Variants in PDC observed in about 807,000 individuals in gnomAD.
The protein encoded by PDC is phosducin.
In PDC, 19 loss-of-function variants were observed where a neutral mutation model predicts 22.2. The observed-to-expected ratio is 0.86, with a 90% confidence interval of 0.60 to 1.26. PDC has a LOEUF of 1.26. Ranked by LOEUF, PDC falls within the 50% of genes most tolerant of loss-of-function variation. PDC has a pLI of 0.00. For missense variants in PDC, 274 were observed against 286.8 expected (o/e 0.96, Z 0.32); for synonymous variants, 97 against 96.2 (o/e 1.01, Z -0.05).
At chr1:186,445,547 G>A (rs1399348017) in intron 3 of PDC, among the ~76,000 whole-genome samples, 1 of 152,048 alleles carries the variant, frequency 6.6e-6, no homozygotes, top group African/African-American at 2.4e-5. Flanking sequence ...GGATGGGTAT[G>A]GGAGCTCATG....
intron 1 of PDC, among the ~76,000 whole-genome samples, chr1:186,457,269 AT>A (rs1317476882): frequency 6.6e-6 from 1 of 152,162 alleles, no homozygotes; most frequent in Non-Finnish European, 1.5e-5. Context: ...GTTAAAATAA[AT>A]TATCAGTGGT....
At chr1:186,460,734 C>T (rs74459611) in intron 1 of PDC, among the ~76,000 whole-genome samples, 7,025 of 152,202 alleles carry the variant, frequency 0.046, 537 homozygotes, top group African/African-American at 0.16. Flanking sequence ...ATCATTTATT[C>T]TCTTTAGTTC....
chr1:186,453,920 A>G (rs1172356752), intron 1 of PDC, among the ~76,000 whole-genome samples: 6 of 152,110 alleles, frequency 3.9e-5, no homozygotes, highest in Non-Finnish European at 8.8e-5. Context: ...CAAAATTTCT[A>G]TTTTTTCCAT....
chr1:186,444,445 T>TTAGGATTATTAAC lies in PDC; in HGVS notation c.274_275insGTTAATAATCCTA (p.Lys92SerfsTer2). 1 of 1,612,500 alleles carries TTAGGATTATTAAC rather than the reference T, an allele frequency of 6.2e-7. No individual in the cohort carries two copies. On this transcript the variant is annotated stop_gained and frameshift_variant, in exon 4 of 4. Coordinates refer to ENST00000391997, the MANE Select transcript of PDC (RefSeq NM_002597.5). LOFTEE classifies it high-confidence loss of function. ...ATCCTGCATACACTGTCTACGGTAT[T>TTAGGATTATTAAC]TACGAAGGCAGTTTTCATCCTCTTT...
In PDC at chr1:186,457,892, A is replaced by G. The variant is rs916549830; in HGVS notation, c.-25+3167T>C. 4.5e-4 allele frequency among the ~76,000 whole-genome samples: 69 copies of G among 152,210 alleles called. 1 individual carries two copies. Among genetic ancestry groups the G allele is most frequent in the African/African-American group, 1.6e-3 (67 of 41,458 alleles). On this transcript the variant is annotated intron_variant, in intron 1 of 3. Transcript: ENST00000391997. Reference sequence around the variant, plus strand: ...TGACTTCCCCCCACTCCCAGTATCTAGATAAAGTTCATAAGAACTTTGATA... The same window carrying G: ...TGACTTCCCCCCACTCCCAGTATCTGGATAAAGTTCATAAGAACTTTGATA...
chr1:186,450,096 A>G (rs566611421), intron 1 of PDC, among the ~76,000 whole-genome samples: 12 of 152,226 alleles, frequency 7.9e-5, no homozygotes, highest in African/African-American at 2.4e-4. Context: ...TTGAACCTAC[A>G]TTTTCTGACT....
At chr1:186,449,360 T>C (rs1354869698) in intron 2 of PDC, 39 bp downstream of exon 2, 2 of 1,313,394 alleles carry the variant, frequency 1.5e-6, no homozygotes, top group Non-Finnish European at 2.2e-6. Flanking sequence ...CATATTTAAT[T>C]TTAATTTAAT....
At position 186,444,517 on chromosome 1, in the gene PDC, A is replaced by G; in HGVS notation, c.214-11T>C. Reference sequence around the variant, plus strand: ...TTCTTGAATGCTCATCTGAGAATAAAGAAATGATAGAAATTATTAAGTCAG... The same window carrying G: ...TTCTTGAATGCTCATCTGAGAATAAGGAAATGATAGAAATTATTAAGTCAG... On this transcript the variant is annotated splice_polypyrimidine_tract_variant and intron_variant, in intron 3 of 3. Transcript: ENST00000391997. 1.3e-6 allele frequency: 2 copies of G among 1,506,454 alleles called. No individual in the cohort carries two copies. The highest frequency in any genetic ancestry group is 1.8e-6 in the Non-Finnish European group (2 of 1,093,232). The allele number at this position is 1,506,454 out of a possible 1,614,324, so 93.3% of individuals were successfully genotyped here.
At chr1:186,452,583 C>T (rs544649319) in intron 1 of PDC, among the ~76,000 whole-genome samples, 9 of 152,204 alleles carry the variant, frequency 5.9e-5, no homozygotes, top group East Asian at 1.9e-4. Flanking sequence ...GCTTCAATTT[C>T]GGCACATAAT....
chr1:186,444,583 A>G, intron 3 of PDC, 77 bp from the exon 4 acceptor site: 3 of 932,596 alleles, frequency 3.2e-6, no homozygotes, highest in Non-Finnish European at 4.8e-6. Context: ...TTCTCAACCG[A>G]AGGAGTGTAC....
chr1:186,459,752 G>GTATATA (rs56927589), intron 1 of PDC, among the ~76,000 whole-genome samples: 4,910 of 111,748 alleles, frequency 0.044, 163 homozygotes, highest in African/African-American at 0.063. Flanking sequence ...GTGTGTGTGT[G>GTATATA]TATATATATA....
chr1:186,452,167 C>T (rs1662366785), intron 1 of PDC, among the ~76,000 whole-genome samples: 1 of 152,206 alleles, frequency 6.6e-6, no homozygotes, highest in Non-Finnish European at 1.5e-5. Flanking sequence ...GTCACCAACT[C>T]ACTCTGGGGT....
rs976627456 is a variant in PDC, at chr1:186,454,994, A to T, written c.-24-5511T>A. On this transcript the variant is annotated intron_variant, in intron 1 of 3. Transcript: ENST00000391997. ...TTGAAAACTAACACTTCATTCTCTCAAACTTTCTGCCACTCTTCTATTTGT... is the reference window on the plus strand; with the variant it reads ...TTGAAAACTAACACTTCATTCTCTCTAACTTTCTGCCACTCTTCTATTTGT... Among the ~76,000 whole-genome samples the T allele has an allele frequency of 8.5e-4, 130 of 152,206 alleles. 1 individual carries two copies. Among genetic ancestry groups the T allele is most frequent in the African/African-American group, 3.0e-3 (126 of 41,450 alleles).
rs928004300 is a variant in PDC at position 186,450,389 on chromosome 1, C to T, written c.-24-906G>A. Among the ~76,000 whole-genome samples, 25 of 151,904 alleles carry T rather than the reference C, an allele frequency of 1.6e-4. No individual in the cohort carries two copies. In the East Asian group the frequency reaches 1.7e-3, roughly 11 times the overall value. ...TCTGTCTCCCAGGCTTCATTAAGTG[C>T]GATGGTGCTGTTTTATTTAGCTCAC... On this transcript the variant is annotated intron_variant, in intron 1 of 3. Transcript: ENST00000391997.
Position 186,443,929 on chromosome 1 carries a change from C to T in PDC, c.*50G>A. 1 of 1,387,124 alleles carries T rather than the reference C, an allele frequency of 7.2e-7. No individual in the cohort carries two copies. Among genetic ancestry groups the T allele is most frequent in the Non-Finnish European group, 1.0e-6 (1 of 994,788 alleles). 85.9% of individuals were successfully genotyped at this position (1,387,124 alleles called of 1,614,324 possible). On this transcript the variant is annotated 3_prime_UTR_variant, in exon 4 of 4. Transcript: ENST00000391997. ...AAAGCAATATAGATACTACCAAAAC[C>T]ATCATCCAATACCTAAAGGATAAAC...
chr1:186,446,109 T>C (rs946579317), intron 3 of PDC, among the ~76,000 whole-genome samples: 1 of 152,236 alleles, frequency 6.6e-6, no homozygotes, highest in Admixed American at 6.5e-5. Context: ...ACATTTATTT[T>C]TTCTTTACAT....
chr1:186,459,420 C>CG (rs1036760815), intron 1 of PDC, among the ~76,000 whole-genome samples: 1 of 152,124 alleles, frequency 6.6e-6, no homozygotes, highest in African/African-American at 2.4e-5. Context: ...CTTGGCCTCC[C>CG]GAGGTGCCGG....
chr1:186,459,289 T>C (rs997546051), intron 1 of PDC, among the ~76,000 whole-genome samples: 1 of 150,848 alleles, frequency 6.6e-6, no homozygotes. Flanking sequence ...TAACAAGCTC[T>C]AAGCCTGCCG....
rs1268778325 is a variant in PDC, at chr1:186,456,012, T to G, written c.-25+5047A>C. 4.5e-4 allele frequency among the ~76,000 whole-genome samples: 55 copies of G among 123,474 alleles called. 1 individual carries two copies. Among genetic ancestry groups the G allele is most frequent in the African/African-American group, 1.7e-3 (55 of 32,500 alleles). The allele number at this position is 123,474 out of a possible 152,430, so 81.0% of individuals were successfully genotyped here. On this transcript the variant is annotated intron_variant, in intron 1 of 3. Transcript: ENST00000391997. ...AAAAAAAAATATATATATATATATA[T>G]ATATATATATATATGCATGCCAGTA...
Sources: allele counts gnomAD v4.1 joint callset (sites outside exome capture counted in the v4.1 genomes callset), GRCh38; gene constraint gnomAD v4.1.1; transcripts MANE v1.5; gene names NCBI Gene and HGNC (gene_info 2026-07-23, HGNC 2026-07-21).